The following UTS2 variants were observed in gnomAD, a reference collection of about 807,000 sequenced individuals.
UTS2 encodes urotensin-2.
Under a neutral mutation model 12.6 loss-of-function variants are expected in UTS2, and 10 were observed. That is an observed-to-expected ratio of 0.80 (90% CI 0.49 to 1.35). The LOEUF is 1.35. Among genes scored for constraint, UTS2 ranks in the 40% most tolerant of loss-of-function variants. The pLI is 0.00. For synonymous variants in UTS2, 52 were observed against 50.0 expected (o/e 1.04, Z -0.17); for missense variants, 142 against 143.2 (o/e 0.99, Z 0.04).
chr1:7,886,527 C>T, the UTS2 span, among the ~76,000 whole-genome samples: 8 of 152,136 alleles, frequency 5.3e-5, no homozygotes, highest in Non-Finnish European at 7.3e-5. Flanking sequence ...GATGAGCTTA[C>T]GGGAGCGGGT....
At chr1:7,869,065 C>G in the UTS2 span, among the ~76,000 whole-genome samples, 3 of 152,212 alleles carry the variant, frequency 2.0e-5, no homozygotes, top group African/African-American at 7.2e-5. Context: ...ATAGCAGCCC[C>G]AACAGACTAA....
chr1:7,872,533 G>A, the UTS2 span, among the ~76,000 whole-genome samples: 29 of 152,028 alleles, frequency 1.9e-4, no homozygotes, highest in Non-Finnish European at 3.2e-4. Context: ...AAGTTCTAGT[G>A]GTCTGGATAG....
the UTS2 span, among the ~76,000 whole-genome samples, chr1:7,900,416 AGAAG>A: frequency 0.12 from 18,377 of 151,982 alleles, 2,453 homozygotes; most frequent in East Asian, 0.56. Context: ...AAAGAAGGAA[AGAAG>A]GAAGGAAGGA....
At chr1:7,851,706 T>A (rs913297949) in intron 1 of UTS2, among the ~76,000 whole-genome samples, 4 of 152,192 alleles carry the variant, frequency 2.6e-5, no homozygotes, top group African/African-American at 7.2e-5. Context: ...TCAGAGCACA[T>A]TCACAGCACT....
chr1:7,864,491 T>G, the UTS2 span, among the ~76,000 whole-genome samples: 1 of 152,184 alleles, frequency 6.6e-6, no homozygotes, highest in African/African-American at 2.4e-5. Flanking sequence ...TCTGGTCCCT[T>G]CTTTGAGTTT....
At chr1:7,853,170 C>T (rs892903440), upstream of UTS2, 9 of 1,490,802 alleles carry the variant, frequency 6.0e-6, no homozygotes, top group African/African-American at 1.3e-4. Flanking sequence ...GGCTAAAAGG[C>T]AATCACTTTG....
the UTS2 span, among the ~76,000 whole-genome samples, chr1:7,912,847 A>C: frequency 6.6e-6 from 1 of 151,548 alleles, no homozygotes. Context: ...CCTCTGCAGT[A>C]TTCCTGTCTC....
chr1:7,884,228 G>T, the UTS2 span, among the ~76,000 whole-genome samples: 2 of 151,474 alleles, frequency 1.3e-5, no homozygotes, highest in Non-Finnish European at 2.9e-5. Context: ...ATAAATATTT[G>T]CTGGCAATGC....
At chr1:7,848,108 C>T (rs1018976158) in intron 3 of UTS2, among the ~76,000 whole-genome samples, 2 of 152,106 alleles carry the variant, frequency 1.3e-5, no homozygotes, top group African/African-American at 4.8e-5. Context: ...TTCAGCCCAG[C>T]GATTGTCCTG....
At chr1:7,896,553 G>A in the UTS2 span, among the ~76,000 whole-genome samples, 1 of 151,932 alleles carries the variant, frequency 6.6e-6, no homozygotes, top group Non-Finnish European at 1.5e-5. Flanking sequence ...TTCCATATAG[G>A]TTTAGAAAAA....
chr1:7,906,489 A>AAGAAAGAAAGAAAGAAAGAAAG, the UTS2 span, among the ~76,000 whole-genome samples: 1 of 149,024 alleles, frequency 6.7e-6, no homozygotes, highest in Admixed American at 6.6e-5. Flanking sequence ...GAAAGAAAGA[A>AAGAAAGAAAGAAAGAAAGAAAG]AGAAAGAAAG....
At chr1:7,905,739 A>G in the UTS2 span, among the ~76,000 whole-genome samples, 2 of 152,078 alleles carry the variant, frequency 1.3e-5, no homozygotes, top group Non-Finnish European at 2.9e-5. Context: ...TTTAAGGACA[A>G]GTTGTATTTC....
the UTS2 span, among the ~76,000 whole-genome samples, chr1:7,900,750 C>CAA: frequency 1.3e-5 from 2 of 151,858 alleles, no homozygotes; most frequent in East Asian, 3.9e-4. Context: ...TACTGCACTC[C>CAA]AACCTGGGCT....
At chr1:7,861,371 G>T in the UTS2 span, among the ~76,000 whole-genome samples, 3,367 of 152,268 alleles carry the variant, frequency 0.022, 120 homozygotes, top group African/African-American at 0.076. Flanking sequence ...TTGGTGGCCT[G>T]GGGGGTTGGA....
At chr1:7,880,597 A>G in the UTS2 span, among the ~76,000 whole-genome samples, 1 of 152,226 alleles carries the variant, frequency 6.6e-6, no homozygotes, top group Non-Finnish European at 1.5e-5. Context: ...ACATACAACC[A>G]TCAAGATTGA....
At chr1:7,907,366 G>A in the UTS2 span, among the ~76,000 whole-genome samples, 3 of 151,976 alleles carry the variant, frequency 2.0e-5, no homozygotes, top group African/African-American at 7.3e-5. Flanking sequence ...ATCAGGTTAT[G>A]CCAGGTACAA....
the UTS2 span, among the ~76,000 whole-genome samples, chr1:7,867,955 A>C: frequency 6.6e-6 from 1 of 152,344 alleles, no homozygotes; most frequent in East Asian, 1.9e-4. Context: ...GTATTTTGTT[A>C]CAGTAGCCCA....
chr1:7,850,403 A>G (rs1276971905), intron 2 of UTS2, among the ~76,000 whole-genome samples: 1 of 152,190 alleles, frequency 6.6e-6, no homozygotes, highest in African/African-American at 2.4e-5. Context: ...GCCTTGACTC[A>G]TTGACTCTTC....
At chr1:7,856,926 T>A (rs1020735924), upstream of UTS2, among the ~76,000 whole-genome samples, 2 of 151,764 alleles carry the variant, frequency 1.3e-5, no homozygotes, top group Non-Finnish European at 2.9e-5. Flanking sequence ...CCGGGAGTAG[T>A]GGTGGGCGCC....
Sources: gnomAD v4.1 joint callset for allele counts (sites outside exome capture counted in the v4.1 genomes callset) on GRCh38, gnomAD v4.1.1 for gene constraint, MANE v1.5 for transcripts, NCBI Gene and HGNC (gene_info 2026-07-23, HGNC 2026-07-21) for gene names.